PCDHGB6: variants seen among roughly 807,000 people sequenced by gnomAD.
PCDHGB6 encodes protocadherin gamma subfamily B, 6.
PCDHGB6 carries 51 observed loss-of-function variants against 59.1 expected under a neutral mutation model. The ratio of observed to expected loss-of-function variants is 0.86; its 90% CI spans 0.69 to 1.09. PCDHGB6 has a LOEUF of 1.09. PCDHGB6 is among the 50% of genes least tolerant of loss of function. PCDHGB6 has a pLI of 0.00. For missense variants in PCDHGB6, 1,148 were observed against 1,205.1 expected (o/e 0.95, Z 0.70); for synonymous variants, 466 against 495.1 (o/e 0.94, Z 0.78).
At position 141,408,524 on chromosome 5, in the gene PCDHGB6, G is replaced by A. The variant is rs1589673864; in HGVS notation, c.322G>A (p.Ala108Thr). The A allele has an allele frequency of 1.9e-6, 3 of 1,614,080 alleles. No homozygotes were observed. Among genetic ancestry groups the A allele is most frequent in the Non-Finnish European group, 1.7e-6 (2 of 1,179,904 alleles). The change falls in exon 1 of 4, where the codon GCT (alanine) becomes ACT (threonine). Residue 108 changes from alanine to threonine, a missense_variant. Physicochemically the swap from Ala to Thr is moderately conservative, Grantham distance 58. Around this residue, in one of 5 missense-constraint regions of PCDHGB6, gnomAD observed 307 missense variants for 323.8 expected, o/e 0.95. Transcript: ENST00000520790. ...ERRRCELQLE[A>T]VVENPLNIFH... is the part of the protein sequence containing the mutation. ...AAGAAGATGTGAGTTGCAATTGGAA[G>A]CTGTGGTGGAAAATCCTTTAAATAT...
intron 1 of PCDHGB6, chr5:141,414,582 C>T (rs2095761888): frequency 2.5e-6 from 4 of 1,613,862 alleles, no homozygotes; most frequent in Non-Finnish European, 3.4e-6. Flanking sequence ...CAGAGAACAA[C>T]GCCAGGGGTG....
chr5:141,483,166 A>G (rs1288499520), intron 1 of PCDHGB6, among the ~76,000 whole-genome samples: 1 of 152,138 alleles, frequency 6.6e-6, no homozygotes, highest in Non-Finnish European at 1.5e-5. Flanking sequence ...ATCCTGAGTT[A>G]CCTTTGGGCC....
rs753951498 is a variant in PCDHGB6, at chr5:141,409,665, CCTACT to C, written c.1467_1471del (p.Ile491GlyfsTer3). 6.2e-7 allele frequency: 1 copy of C among 1,613,576 alleles called. No individual in the cohort carries two copies. Among genetic ancestry groups the C allele is most frequent in the Admixed American group, 1.7e-5 (1 of 60,022 alleles). On this transcript the variant is annotated frameshift_variant, in exon 1 of 4. Transcript: ENST00000520790. LOFTEE classifies it high-confidence loss of function. ...GATTTGGGGCTCAATGGCCACATCTCCTACTCTATAGTGGCGAGTGACCTAGAGCC... is the reference window on the plus strand; with the variant it reads ...GATTTGGGGCTCAATGGCCACATCTCCTATAGTGGCGAGTGACCTAGAGCC...
intron 3 of PCDHGB6, among the ~76,000 whole-genome samples, chr5:141,507,898 C>T (rs577177417): frequency 1.3e-5 from 2 of 152,310 alleles, no homozygotes; most frequent in East Asian, 1.9e-4. Flanking sequence ...TTCCTGAAGT[C>T]CAGCCCAGCC....
intron 1 of PCDHGB6, chr5:141,441,844 G>T: frequency 2.8e-6 from 1 of 355,710 alleles, no homozygotes. Context: ...CGCGCTCTTG[G>T]ATATGGTGCT....
chr5:141,460,981 G>GTA (rs1491204135), intron 1 of PCDHGB6, among the ~76,000 whole-genome samples: 1,658 of 121,856 alleles, frequency 0.014, 27 homozygotes, highest in African/African-American at 0.051. Flanking sequence ...GTGTGTGTGT[G>GTA]TGTATATATA....
Position 141,420,101 on chromosome 5 carries a change from T to A in PCDHGB6, c.2418+9481T>A. 5 of 1,614,046 alleles carry A rather than the reference T, an allele frequency of 3.1e-6. No homozygotes were observed. Among genetic ancestry groups the A allele is most frequent in the Non-Finnish European group, 4.2e-6 (5 of 1,179,870 alleles). ...TCCCCCCAACTACAGTGAGGGAACGTTGCCCTATGCCTATAATTTTTGTGT... is the reference window on the plus strand; with the variant it reads ...TCCCCCCAACTACAGTGAGGGAACGATGCCCTATGCCTATAATTTTTGTGT... On this transcript the variant is annotated intron_variant, in intron 1 of 3. Transcript: ENST00000520790.
chr5:141,410,189 G>T lies in PCDHGB6; in HGVS notation c.1987G>T (p.Val663Phe). 1 of 1,613,992 alleles carries T rather than the reference G, an allele frequency of 6.2e-7. No individual in the cohort carries two copies. Among genetic ancestry groups the T allele is most frequent in the Non-Finnish European group, 8.5e-7 (1 of 1,179,868 alleles). ...CTCTGCCACCGCCACGCTTCATCTG[G>T]TCTTCGCAGACAACTTGCAAGAGAT... ...PLSATATLHL[V>F]FADNLQEILP... The change falls in exon 1 of 4, where the codon GTC becomes TTC. Residue 663 changes from valine to phenylalanine, a missense_variant. Physicochemically the swap from Val to Phe is conservative, Grantham distance 50 (BLOSUM62 -1). Coordinates refer to ENST00000520790, the MANE Select transcript of PCDHGB6 (RefSeq NM_018926.3).
At position 141,409,805 on chromosome 5, in the gene PCDHGB6, C is replaced by A. The variant is rs751397816; in HGVS notation, c.1603C>A (p.Arg535Ser). The change falls in exon 1 of 4, where the codon CGC becomes AGC. Residue 535 changes from arginine (R) to serine (S), a missense_variant. This residue lies in a region of PCDHGB6 where 549 missense variants were observed against 527.5 expected (regional missense o/e 1.04). Transcript: ENST00000520790. ...CGCCTTCGCGCTCACGCTGCAGGCC[C>A]GCGACCACGGCTCGCCCACGCTCAG... is the stretch of plus-strand genomic sequence containing the variant. ...LRAFALTLQA[R>S]DHGSPTLSAN... 14 of 1,611,512 alleles carry A rather than the reference C, an allele frequency of 8.7e-6. No homozygotes were observed. Among genetic ancestry groups the A allele is most frequent in the Middle Eastern group, 1.6e-4 (1 of 6,072 alleles).
At chr5:141,483,816 A>G (rs2099587505) in intron 1 of PCDHGB6, among the ~76,000 whole-genome samples, 1 of 152,172 alleles carries the variant, frequency 6.6e-6, no homozygotes, top group Admixed American at 6.5e-5. Context: ...TTTGGCAGCC[A>G]GTGTAACCTA....
chr5:141,490,488 C>A lies in PCDHGB6; in HGVS notation c.2419-4319C>A, dbSNP rs142637733. 6.2e-7 allele frequency: 1 copy of A among 1,614,018 alleles called. No homozygotes were observed. Among genetic ancestry groups the A allele is most frequent in the African/African-American group, 1.3e-5 (1 of 74,904 alleles). ...CCAGCCAGCCTTTGGACCGGGAGGC[C>A]ACATCCCACTATATCATCGAGCTGC... On this transcript the variant is annotated intron_variant, in intron 1 of 3. Coordinates refer to ENST00000520790, the MANE Select transcript of PCDHGB6 (RefSeq NM_018926.3). The surrounding 1 kb of genome is among the most constrained non-coding windows in gnomAD (Gnocchi z 5.4).
At chr5:141,469,790 T>G (rs956670031) in intron 1 of PCDHGB6, among the ~76,000 whole-genome samples, 2 of 152,224 alleles carry the variant, frequency 1.3e-5, no homozygotes, top group African/African-American at 4.8e-5. Context: ...GCGTTATTTG[T>G]AATTGCAAAA....
chr5:141,445,576 G>A (rs1459010134), intron 1 of PCDHGB6, among the ~76,000 whole-genome samples: 1 of 152,158 alleles, frequency 6.6e-6, no homozygotes, highest in Non-Finnish European at 1.5e-5. Flanking sequence ...TTATAGTAGG[G>A]AAGCTTCGCC....
intron 1 of PCDHGB6, among the ~76,000 whole-genome samples, chr5:141,437,721 A>G (rs2097904045): frequency 6.6e-6 from 1 of 151,664 alleles, no homozygotes; most frequent in African/African-American, 2.4e-5. Flanking sequence ...TTACCCTCTA[A>G]TGTTACACTT....
rs761227475 is a variant in PCDHGB6 at position 141,489,382 on chromosome 5, G to A, written c.2419-5425G>A. 4 of 1,613,872 alleles carry A rather than the reference G, an allele frequency of 2.5e-6. No homozygotes were observed. The highest frequency in any genetic ancestry group is 1.7e-5 in the Admixed American group (1 of 60,006). On this transcript the variant is annotated intron_variant, in intron 1 of 3. Coordinates refer to ENST00000520790, the MANE Select transcript of PCDHGB6 (RefSeq NM_018926.3). The surrounding 1 kb of genome is among the most constrained non-coding windows in gnomAD (Gnocchi z 4.5). ...TGAGCCGGGGACGCTGGTGGGGAATGTTGCTCAGGATCTGGGCTTAAAGAT... is the reference window on the plus strand; with the variant it reads ...TGAGCCGGGGACGCTGGTGGGGAATATTGCTCAGGATCTGGGCTTAAAGAT...
chr5:141,423,759 G>C, intron 1 of PCDHGB6: 1 of 321,042 alleles, frequency 3.1e-6, no homozygotes, highest in Non-Finnish European at 4.5e-6. Flanking sequence ...TTGGGGGGGG[G>C]GTGGGGCGGC....
At chr5:141,498,921 AG>A (rs1289139995) in intron 2 of PCDHGB6, among the ~76,000 whole-genome samples, 1 of 140,074 alleles carries the variant, frequency 7.1e-6, no homozygotes, top group Non-Finnish European at 1.6e-5. Flanking sequence ...TGACAGAGCG[AG>A]ACTCCATCAG....
rs1408707323 is a variant in PCDHGB6 at position 141,410,340 on chromosome 5, T to C, written c.2138T>C (p.Leu713Ser). 5 of 1,614,068 alleles carry C rather than the reference T, an allele frequency of 3.1e-6. No homozygotes were observed. Among genetic ancestry groups the C allele is most frequent in the Non-Finnish European group, 2.5e-6 (3 of 1,179,902 alleles). The change falls in exon 1 of 4, where the codon TTG (leucine) becomes TCG (serine). Residue 713 changes from leucine (L) to serine (S), a missense_variant. Leu to Ser is a moderately radical substitution (Grantham distance 145). This residue lies in a region of PCDHGB6 where 283 missense variants were observed against 318.6 expected (regional missense o/e 0.89). Transcript: ENST00000520790. ...FLLAVILAIA[L>S]RLRRSLSPAT... The stretch of plus-strand genomic sequence containing the variant: ...CTCGCCGTGATTCTGGCCATTGCCT[T>C]GCGCCTGCGACGCTCTCTCAGCCCT...
In PCDHGB6 at chr5:141,489,664, A is replaced by C. The variant is rs745597010; in HGVS notation, c.2419-5143A>C. 1.9e-6 allele frequency: 3 copies of C among 1,614,224 alleles called. No individual in the cohort carries two copies. Among genetic ancestry groups the C allele is most frequent in the African/African-American group, 1.3e-5 (1 of 75,058 alleles). On this transcript the variant is annotated intron_variant, in intron 1 of 3. Transcript: ENST00000520790. This position sits in a 1 kb window ranked among gnomAD's most constrained non-coding sequence, Gnocchi z 4.5. ...TGCCACCCCTGAGCGAGAGATGCGC[A>C]TCTCAGAATCAGCAGCATCTGGGGC... is the stretch of plus-strand genomic sequence containing the variant.
Sources: allele counts gnomAD v4.1 joint callset (sites outside exome capture counted in the v4.1 genomes callset), GRCh38; gene constraint gnomAD v4.1.1; regional missense constraint gnomAD v4.1.1; non-coding constraint Gnocchi (gnomAD v3.1); transcripts MANE v1.5; gene names NCBI Gene and HGNC (gene_info 2026-07-23, HGNC 2026-07-21).